SHLD1: variants seen among roughly 807,000 people sequenced by gnomAD.
SHLD1 encodes the protein RINN1-REV7-interacting novel NHEJ regulator 3.
A neutral mutation model predicts 5.5 loss-of-function variants in SHLD1; 3 were observed. That is an observed-to-expected ratio of 0.54 (90% CI 0.25 to 1.40). SHLD1 has a LOEUF of 1.40. Ranked by LOEUF, SHLD1 falls within the 40% of genes most tolerant of loss-of-function variation. The probability of loss-of-function intolerance (pLI) is 0.15; values close to 1 mark genes in which losing one functional copy is unlikely to be tolerated. For synonymous variants in SHLD1, 92 were observed against 94.3 expected (o/e 0.98, Z 0.14); for missense variants, 210 against 244.4 (o/e 0.86, Z 0.94).
chr20:5,766,442 G>A (rs1984832439), intron 1 of SHLD1, among the ~76,000 whole-genome samples: 1 of 152,156 alleles, frequency 6.6e-6, no homozygotes, highest in African/African-American at 2.4e-5. Flanking sequence ...GTTTTAATAT[G>A]TCTCCTATCT....
intron 1 of SHLD1, among the ~76,000 whole-genome samples, chr20:5,764,133 A>ATAT (rs1374831062): frequency 4.7e-4 from 41 of 87,324 alleles, no homozygotes; most frequent in African/African-American, 2.0e-3. Flanking sequence ...TCTCAAAAAA[A>ATAT]AAAAAAATAT....
chr20:5,800,238 C>T (rs1977869), intron 2 of SHLD1, among the ~76,000 whole-genome samples: 92,894 of 151,990 alleles, frequency 0.61, 28,499 homozygotes, highest in East Asian at 0.78. Context: ...ATTCTTCCCA[C>T]ACTGTCTTGG....
chr20:5,793,300 G>A (rs1568505212), intron 2 of SHLD1, among the ~76,000 whole-genome samples: 1 of 152,096 alleles, frequency 6.6e-6, no homozygotes. Flanking sequence ...TTTTAGTGTG[G>A]ATAAATATGT....
chr20:5,763,460 C>T (rs1022691841), intron 1 of SHLD1, among the ~76,000 whole-genome samples: 2 of 152,116 alleles, frequency 1.3e-5, no homozygotes, highest in Admixed American at 6.6e-5. Context: ...TAGAATACTA[C>T]AGGTAAAAGG....
At chr20:5,777,854 A>G (rs1985501987) in intron 2 of SHLD1, among the ~76,000 whole-genome samples, 2 of 152,184 alleles carry the variant, frequency 1.3e-5, no homozygotes, top group Non-Finnish European at 1.5e-5. Context: ...TGTTAACTTG[A>G]TAGAACAAAC....
At chr20:5,851,679 A>C (rs1210954824) in intron 2 of SHLD1, among the ~76,000 whole-genome samples, 5 of 151,918 alleles carry the variant, frequency 3.3e-5, no homozygotes, top group Non-Finnish European at 7.4e-5. Context: ...CAATATATCC[A>C]ACATATTTTC....
At chr20:5,853,038 T>C (rs895297299) in intron 2 of SHLD1, among the ~76,000 whole-genome samples, 1 of 152,332 alleles carries the variant, frequency 6.6e-6, no homozygotes, top group Middle Eastern at 3.4e-3. Context: ...TATTGTGTAT[T>C]AAAGGTTTAT....
At chr20:5,750,535 A>C (rs1983684308) in intron 1 of SHLD1, 56 bp downstream of exon 1, 1 of 149,212 alleles carries the variant, frequency 6.7e-6, no homozygotes, top group Non-Finnish European at 1.5e-5. Flanking sequence ...GGGTCACAGC[A>C]ATGCATCTGA....
At chr20:5,774,669 T>C (rs1054824825) in intron 2 of SHLD1, among the ~76,000 whole-genome samples, 8 of 152,058 alleles carry the variant, frequency 5.3e-5, no homozygotes, top group African/African-American at 1.9e-4. Flanking sequence ...TACACACTTT[T>C]AAACAACCAG....
At chr20:5,805,305 G>A (rs952926245) in intron 2 of SHLD1, among the ~76,000 whole-genome samples, 4 of 152,046 alleles carry the variant, frequency 2.6e-5, no homozygotes, top group African/African-American at 9.7e-5. Context: ...TTACAGGCAT[G>A]TGCCACCATG....
At chr20:5,771,554 G>T (rs1435031192) in intron 1 of SHLD1, among the ~76,000 whole-genome samples, 1 of 151,610 alleles carries the variant, frequency 6.6e-6, no homozygotes, top group Non-Finnish European at 1.5e-5. Flanking sequence ...TATCTTCCAC[G>T]CACAAATGTA....
intron 2 of SHLD1, among the ~76,000 whole-genome samples, chr20:5,847,003 A>T (rs1238978737): frequency 6.6e-6 from 1 of 152,196 alleles, no homozygotes; most frequent in Non-Finnish European, 1.5e-5. Context: ...TCCTTTAGGG[A>T]AGCCCTCGAA....
chr20:5,781,488 T>C (rs6053677), intron 2 of SHLD1, among the ~76,000 whole-genome samples: 35,624 of 151,892 alleles, frequency 0.23, 4,160 homozygotes, highest in Middle Eastern at 0.32. Flanking sequence ...TTACACTACT[T>C]TTGTCTTTAG....
chr20:5,840,391 G>T (rs907783471), intron 2 of SHLD1, among the ~76,000 whole-genome samples: 2 of 152,024 alleles, frequency 1.3e-5, no homozygotes, highest in Admixed American at 1.3e-4. Context: ...ACTGTTCAGG[G>T]TTTGTTAACT....
rs925388524 is a variant in SHLD1, at chr20:5,832,087, C to T, written c.179-30937C>T. ...TCGCAGGTAGCTGGGATTACAAGCG[C>T]GCACCACTGCGCCCAGCAAATTTTT... On this transcript the variant is annotated intron_variant, in intron 2 of 2. Transcript: ENST00000303142. Among the ~76,000 whole-genome samples the T allele has an allele frequency of 5.3e-5, 8 of 152,206 alleles. No homozygotes were observed. The South Asian group carries it at 1.2e-3, about 24-fold the overall frequency.
rs1326406722 is a variant in SHLD1, at chr20:5,860,888, A to C, written c.179-2136A>C. On this transcript the variant is annotated intron_variant, in intron 2 of 2. Transcript: ENST00000303142. The stretch of plus-strand genomic sequence containing the variant: ...CTTTACTATTCTTTAAAAAAAAAAA[A>C]AAAAAAAAAAAAAAAAAAAAAAAGA... Among the ~76,000 whole-genome samples the C allele has an allele frequency of 5.8e-4, 15 of 25,646 alleles. 1 individual carries two copies. The highest frequency in any genetic ancestry group is 5.3e-3 in the African/African-American group (15 of 2,834). 16.8% of individuals were successfully genotyped at this position (25,646 alleles called of 152,430 possible).
At chr20:5,810,877 G>A (rs1320282231) in intron 2 of SHLD1, among the ~76,000 whole-genome samples, 4 of 134,360 alleles carry the variant, frequency 3.0e-5, no homozygotes, top group African/African-American at 5.6e-5. Flanking sequence ...TCCAGAGTGA[G>A]ACTCTGTCTC....
At chr20:5,781,527 G>T (rs2086989116) in intron 2 of SHLD1, among the ~76,000 whole-genome samples, 1 of 152,174 alleles carries the variant, frequency 6.6e-6, no homozygotes, top group Non-Finnish European at 1.5e-5. Flanking sequence ...GTCCAGGCTG[G>T]AGTGCAATGG....
chr20:5,767,606 C>T (rs1449259277), intron 1 of SHLD1, among the ~76,000 whole-genome samples: 1 of 152,164 alleles, frequency 6.6e-6, no homozygotes, highest in Non-Finnish European at 1.5e-5. Context: ...TGCCTGCCAC[C>T]AGGCTTAAGT....
Sources: gnomAD v4.1 joint callset for allele counts (sites outside exome capture counted in the v4.1 genomes callset) on GRCh38, gnomAD v4.1.1 for gene constraint, MANE v1.5 for transcripts, NCBI Gene and HGNC (gene_info 2026-07-23, HGNC 2026-07-21) for gene names.